VWA3A: variants seen among roughly 807,000 people sequenced by gnomAD.
VWA3A encodes von Willebrand factor A domain containing 3A, also known as von Willebrand factor A domain-containing protein 3A.
A neutral mutation model predicts 160.4 loss-of-function variants in VWA3A; 134 were observed. The ratio of observed to expected loss-of-function variants is 0.84; its 90% CI spans 0.73 to 0.96. VWA3A has a LOEUF of 0.96. Ranked by LOEUF, VWA3A falls within the 40% of genes least tolerant of loss-of-function variation. The probability of loss-of-function intolerance (pLI) is 0.00; values close to 1 mark genes in which losing one functional copy is unlikely to be tolerated. For synonymous variants in VWA3A, 476 were observed against 543.4 expected (o/e 0.88, Z 1.72); for missense variants, 1,310 against 1,447.9 (o/e 0.90, Z 1.55).
Position 22,156,042 on chromosome 16 carries a change from C to G in VWA3A, c.*25C>G, listed in dbSNP as rs2046435576. 6.7e-6 allele frequency: 7 copies of G among 1,045,434 alleles called. No individual in the cohort carries two copies. The highest frequency in any genetic ancestry group is 9.7e-6 in the Non-Finnish European group (7 of 718,104). 64.8% of individuals were successfully genotyped at this position (1,045,434 alleles called of 1,614,324 possible). A position where few individuals can be genotyped will look rare whatever the true frequency, so the allele number is the denominator to read the frequency against. Reference sequence around the variant, plus strand: ...GATTCCTCTAAACAGAAAAGTCATCCTGCAAAGGACCACTCACTGAGCAAA... The same window carrying G: ...GATTCCTCTAAACAGAAAAGTCATCGTGCAAAGGACCACTCACTGAGCAAA... On this transcript the variant is annotated 3_prime_UTR_variant, in exon 34 of 34. Coordinates refer to ENST00000389398, the MANE Select transcript of VWA3A (RefSeq NM_173615.5).
At chr16:22,113,500 C>T (rs533938262) in intron 8 of VWA3A, among the ~76,000 whole-genome samples, 1 of 148,960 alleles carries the variant, frequency 6.7e-6, no homozygotes, top group Non-Finnish European at 1.5e-5. Flanking sequence ...GCTGGGATTA[C>T]AGGCATGAGC....
intron 14 of VWA3A, 21 bp downstream of exon 14, chr16:22,121,638 TC>T: frequency 6.4e-7 from 1 of 1,573,092 alleles, no homozygotes; most frequent in Non-Finnish European, 8.7e-7. Flanking sequence ...TTCATAATTC[TC>T]TCCAGTCCTC....
rs562944214 is a variant in VWA3A at position 22,155,860 on chromosome 16, C to G, written c.3513C>G (p.Leu1171=). The change falls in exon 33 of 34, where the codon CTC becomes CTG. Residue 1171 remains leucine, a synonymous_variant. Transcript: ENST00000389398. ...ATCTCCTGCCCACCAGATCCCAACTCCAGAAGAAAAATGATGCAGAACCAA... is the reference window on the plus strand; with the variant it reads ...ATCTCCTGCCCACCAGATCCCAACTGCAGAAGAAAAATGATGCAGAACCAA... ...LWQAQSFRSQ[L]QKKNDAEPKV... The G allele has an allele frequency of 1.7e-5, 27 of 1,613,932 alleles. No individual in the cohort carries two copies. The African/African-American group carries it at 3.2e-4, about 19-fold the overall frequency.
intron 17 of VWA3A, among the ~76,000 whole-genome samples, chr16:22,127,599 G>T (rs1354937393): frequency 6.6e-6 from 1 of 152,112 alleles, no homozygotes; most frequent in Admixed American, 6.6e-5. Flanking sequence ...CTGTACCAGA[G>T]CCCAGTCATT....
At chr16:22,150,606 C>G (rs745358102) in intron 29 of VWA3A, 89 bp from the exon 30 acceptor site, 1 of 1,443,836 alleles carries the variant, frequency 6.9e-7, no homozygotes, top group East Asian at 2.5e-5. Context: ...TTGGCAGAGG[C>G]GGCAGCAGGC....
In VWA3A at chr16:22,100,483, A is replaced by C; in HGVS notation, c.418A>C (p.Lys140Gln). The C allele has an allele frequency of 6.4e-7, 1 of 1,551,524 alleles. No individual in the cohort carries two copies. Among genetic ancestry groups the C allele is most frequent in the Non-Finnish European group, 8.7e-7 (1 of 1,146,950 alleles). Residue 140 changes from lysine to glutamine, a missense_variant, in exon 5 of 34, where the codon AAG becomes CAG. Lys to Gln is a moderately conservative substitution (Grantham distance 53). Transcript: ENST00000389398. The part of the protein sequence containing the change: ...STQIIRHFES[K>Q]LSDTIEVYQE... ...CCAGATCATCCGCCATTTTGAGTCA[A>C]AGCTTTCTGAGTAAGTATGTTTCTC...
At chr16:22,142,914 G>T (rs1446034654) in intron 25 of VWA3A, 149 bp downstream of exon 25, 14 of 609,462 alleles carry the variant, frequency 2.3e-5, no homozygotes, top group Non-Finnish European at 4.1e-5. Flanking sequence ...ACTTTGGGAG[G>T]CTGAGGTGGG....
chr16:22,127,772 T>C (rs1421070509), intron 17 of VWA3A, among the ~76,000 whole-genome samples: 1 of 152,118 alleles, frequency 6.6e-6, no homozygotes, highest in Non-Finnish European at 1.5e-5. Context: ...CACACAAAAC[T>C]CATCCTCGAG....
chr16:22,126,128 CATT>C, intron 16 of VWA3A, 47 bp from the exon 17 acceptor site: 3 of 1,605,482 alleles, frequency 1.9e-6, no homozygotes, highest in South Asian at 2.2e-5. Context: ...ACAAAATAAA[CATT>C]ATCTCAGAGA....
In VWA3A at chr16:22,131,232, G is replaced by T. The variant is rs187395881; in HGVS notation, c.1680G>T (p.Arg560Ser). The T allele has an allele frequency of 6.2e-7, 1 of 1,613,978 alleles. No homozygotes were observed. The highest frequency in any genetic ancestry group is 8.5e-7 in the Non-Finnish European group (1 of 1,179,890). The stretch of plus-strand genomic sequence containing the variant: ...TTGGAAGCACAATTGAAAGCTGGAG[G>T]CCTGAGATGGTTCCCGTGAGTCACA... Reference protein sequence around the residue: ...IAFGSTIESWRPEMVPVSHNN... With the variant: ...IAFGSTIESWSPEMVPVSHNN... Residue 560 changes from arginine (R) to serine (S), a missense_variant, in exon 18 of 34, where the codon AGG (arginine) becomes AGT (serine). By Grantham distance (110) the Arg-to-Ser change is moderately radical. Transcript: ENST00000389398.
intron 3 of VWA3A, 31 bp downstream of exon 3, chr16:22,097,726 G>A: frequency 6.4e-7 from 1 of 1,550,400 alleles, no homozygotes; most frequent in South Asian, 1.2e-5. Flanking sequence ...ACTGGGTCGT[G>A]ATACTACAAA....
chr16:22,131,071 G>A, intron 17 of VWA3A, 134 bp from the exon 18 acceptor site: 1 of 767,618 alleles, frequency 1.3e-6, no homozygotes, highest in Non-Finnish European at 2.2e-6. Flanking sequence ...GGCTGGCCCA[G>A]GCCAGTGACA....
chr16:22,100,698 C>G (rs777531875), intron 5 of VWA3A, among the ~76,000 whole-genome samples: 2 of 151,650 alleles, frequency 1.3e-5, no homozygotes, highest in Non-Finnish European at 2.9e-5. Context: ...AAAAATTAGC[C>G]AGTCCTGGTG....
intron 21 of VWA3A, among the ~76,000 whole-genome samples, chr16:22,136,894 C>CGT (rs2046053000): frequency 1.2e-5 from 1 of 82,888 alleles, no homozygotes; most frequent in South Asian, 4.7e-4. Flanking sequence ...CACACACACA[C>CGT]GCACACACAC....
chr16:22,142,744 T>C lies in VWA3A; in HGVS notation c.2571T>C (p.Asp857=). The part of the protein sequence containing the change: ...TSSSIDLPRK[D]TVCSSQEWVA... The stretch of plus-strand genomic sequence containing the variant: ...CTTCTATTGACTTACCCAGAAAGGA[T>C]ACAGTTTGCTCAAGCCAAGAGGTAT... Residue 857 remains aspartate, a synonymous_variant, in exon 25 of 34, where the codon GAT becomes GAC. Coordinates refer to ENST00000389398, the MANE Select transcript of VWA3A (RefSeq NM_173615.5). 1 of 1,571,864 alleles carries C rather than the reference T, an allele frequency of 6.4e-7. No homozygotes were observed.
In VWA3A at chr16:22,152,624, T is replaced by C. The variant is rs766757586; in HGVS notation, c.3395T>C (p.Ile1132Thr). The change falls in exon 31 of 34, where the codon ATC (isoleucine) becomes ACC (threonine). Residue 1132 changes from isoleucine to threonine, a missense_variant. Transcript: ENST00000389398. ...KIHSLLTKGFINEKDPTLPPF... is the reference protein window; with the variant it reads ...KIHSLLTKGFTNEKDPTLPPF... ...CACAGCCTGCTGACCAAAGGCTTCATCAATGAAAAGGTAGGTTGCAGAGCC... is the reference window on the plus strand; with the variant it reads ...CACAGCCTGCTGACCAAAGGCTTCACCAATGAAAAGGTAGGTTGCAGAGCC... 1.1e-4 allele frequency: 176 copies of C among 1,605,218 alleles called. 2 individuals are homozygous for C. The Admixed American group carries it at 2.9e-3, about 26-fold the overall frequency.
At chr16:22,136,061 G>A (rs1340126297) in intron 21 of VWA3A, among the ~76,000 whole-genome samples, 1 of 152,164 alleles carries the variant, frequency 6.6e-6, no homozygotes, top group Non-Finnish European at 1.5e-5. Flanking sequence ...AAAGTGCTGG[G>A]ATCACAGGCG....
At chr16:22,099,040 A>G (rs1187391336) in intron 3 of VWA3A, among the ~76,000 whole-genome samples, 1 of 151,744 alleles carries the variant, frequency 6.6e-6, no homozygotes, top group East Asian at 1.9e-4. Flanking sequence ...AGGCTGCAGT[A>G]AGCTGAGATT....
Position 22,144,389 on chromosome 16 carries a change from G to A in VWA3A, c.2730+5G>A, listed in dbSNP as rs2046210504. ...TTCCCCAGCGTTGAGATCCATGTAA[G>A]TCACAATTTTCATCATCGTCTTTTT... On this transcript the variant is annotated splice_donor_5th_base_variant and intron_variant, in intron 26 of 33. Coordinates refer to ENST00000389398, the MANE Select transcript of VWA3A (RefSeq NM_173615.5). The A allele has an allele frequency of 6.2e-7, 1 of 1,610,512 alleles. No individual in the cohort carries two copies. Among genetic ancestry groups the A allele is most frequent in the African/African-American group, 1.3e-5 (1 of 74,486 alleles).
Sources: gnomAD v4.1 joint callset for allele counts (sites outside exome capture counted in the v4.1 genomes callset) on GRCh38, gnomAD v4.1.1 for gene constraint, MANE v1.5 for transcripts, NCBI Gene and HGNC (gene_info 2026-07-23, HGNC 2026-07-21) for gene names.